NELL1: variants seen among roughly 807,000 people sequenced by gnomAD.
NELL1 encodes neural EGFL like 1.
A neutral mutation model predicts 107.4 loss-of-function variants in NELL1; 76 were observed. That is an observed-to-expected ratio of 0.71 (90% CI 0.59 to 0.86). The LOEUF (loss-of-function observed/expected upper bound fraction) is 0.86. Ranked by LOEUF, NELL1 falls within the 40% of genes least tolerant of loss-of-function variation. The pLI, the probability that NELL1 is intolerant of heterozygous loss-of-function variation, is 0.00. For missense variants in NELL1, 1,024 were observed against 1,005.5 expected (o/e 1.02, Z -0.25); for synonymous variants, 353 against 341.2 (o/e 1.03, Z -0.38).
chr11:21,467,584 A>G (rs1311571199), intron 15 of NELL1, among the ~76,000 whole-genome samples: 2 of 152,042 alleles, frequency 1.3e-5, no homozygotes, highest in Non-Finnish European at 2.9e-5. Flanking sequence ...ATGTTTTTTT[A>G]AGGTAGCCAT....
chr11:20,728,150 G>T (rs1011520876), intron 2 of NELL1, among the ~76,000 whole-genome samples: 1 of 151,964 alleles, frequency 6.6e-6, no homozygotes, highest in Non-Finnish European at 1.5e-5. Flanking sequence ...TTTTAATGGG[G>T]TTATTTGTTT....
chr11:21,366,095 A>T (rs1281196661), intron 14 of NELL1, among the ~76,000 whole-genome samples: 1 of 152,166 alleles, frequency 6.6e-6, no homozygotes, highest in African/African-American at 2.4e-5. Flanking sequence ...ATATGCTCTG[A>T]ACAAGGTGAG....
At chr11:21,396,714 T>C (rs1335988751) in intron 15 of NELL1, among the ~76,000 whole-genome samples, 8 of 151,616 alleles carry the variant, frequency 5.3e-5, no homozygotes, top group Non-Finnish European at 5.9e-5. Flanking sequence ...ATTGCTTCTG[T>C]TTCTGAGGAT....
At chr11:21,540,029 A>G (rs1170571967) in intron 16 of NELL1, among the ~76,000 whole-genome samples, 1 of 151,900 alleles carries the variant, frequency 6.6e-6, no homozygotes, top group Non-Finnish European at 1.5e-5. Context: ...CATTTTCTAA[A>G]ATTTGTTTAA....
At chr11:21,348,965 A>G (rs1850743302) in intron 14 of NELL1, among the ~76,000 whole-genome samples, 1 of 152,202 alleles carries the variant, frequency 6.6e-6, no homozygotes, top group African/African-American at 2.4e-5. Context: ...ACACTTCTTT[A>G]AGTAATTACG....
intron 12 of NELL1, among the ~76,000 whole-genome samples, chr11:21,005,269 G>C (rs1194998352): frequency 6.6e-6 from 1 of 152,142 alleles, no homozygotes; most frequent in African/African-American, 2.4e-5. Flanking sequence ...ATTGTATTAT[G>C]TCCAGAGCAT....
chr11:21,353,001 C>T (rs1423700886), intron 14 of NELL1, among the ~76,000 whole-genome samples: 1 of 152,114 alleles, frequency 6.6e-6, no homozygotes, highest in Non-Finnish European at 1.5e-5. Context: ...GGGAGAAGCA[C>T]TTTAAAGATC....
At chr11:21,005,654 A>G (rs1852313076) in intron 12 of NELL1, among the ~76,000 whole-genome samples, 1 of 152,178 alleles carries the variant, frequency 6.6e-6, no homozygotes, top group Admixed American at 6.5e-5. Context: ...GCCTGAGGTT[A>G]AAAGCTTTCT....
intron 14 of NELL1, among the ~76,000 whole-genome samples, chr11:21,359,974 G>T (rs988254374): frequency 1.3e-5 from 2 of 151,766 alleles, no homozygotes; most frequent in Non-Finnish European, 2.9e-5. Context: ...TGATTTCTTT[G>T]TTTCAATTTC....
chr11:20,928,509 G>A lies in NELL1; in HGVS notation c.997+30G>A, dbSNP rs772012794. ...GTACTGACTGAGGGTCAGACTGGCT[G>A]TCTGTGTTTTGAGATTTATTTATTT... On this transcript the variant is annotated intron_variant, in intron 9 of 19. Transcript: ENST00000357134. 1.1e-5 allele frequency: 17 copies of A among 1,537,888 alleles called. No homozygotes were observed. The Admixed American group carries it at 2.5e-4, about 23-fold the overall frequency.
intron 12 of NELL1, among the ~76,000 whole-genome samples, chr11:21,100,225 C>T (rs1263170924): frequency 2.0e-5 from 3 of 152,084 alleles, no homozygotes; most frequent in Non-Finnish European, 4.4e-5. Context: ...GCCACGTTGC[C>T]CAGGCTGGTG....
In NELL1 at chr11:21,108,353, A is replaced by G. The variant is rs542621171; in HGVS notation, c.1301-5236A>G. Among the ~76,000 whole-genome samples the G allele has an allele frequency of 2.3e-4, 35 of 152,262 alleles. No individual in the cohort carries two copies. The South Asian group carries it at 7.3e-3, about 32-fold the overall frequency. ...AGATGGAACCTGGTGATACATGAAG[A>G]ATCATTATGCCACATCAAGTTTCAT... On this transcript the variant is annotated intron_variant, in intron 12 of 19. Coordinates refer to ENST00000357134, the MANE Select transcript of NELL1 (RefSeq NM_006157.5).
intron 4 of NELL1, among the ~76,000 whole-genome samples, chr11:20,880,704 G>T (rs1849391244): frequency 6.6e-6 from 1 of 152,106 alleles, no homozygotes; most frequent in Non-Finnish European, 1.5e-5. Context: ...CATCTCAGTG[G>T]CTTAAAATAG....
chr11:20,761,585 C>T lies in NELL1; in HGVS notation c.185-22095C>T, dbSNP rs1429514389. On this transcript the variant is annotated intron_variant, in intron 2 of 19. Coordinates refer to ENST00000357134, the MANE Select transcript of NELL1 (RefSeq NM_006157.5). Reference sequence around the variant, plus strand: ...TTGTAAAGCTCCACAAACAAACCCACAACTTGGGAAGTTTGGCAAATGCTC... The same window carrying T: ...TTGTAAAGCTCCACAAACAAACCCATAACTTGGGAAGTTTGGCAAATGCTC... Among the ~76,000 whole-genome samples the T allele has an allele frequency of 2.0e-4, 31 of 152,230 alleles. 1 individual carries two copies. Among genetic ancestry groups the T allele is most frequent in the Admixed American group, 2.0e-3 (31 of 15,286 alleles).
At chr11:21,399,508 T>C (rs1410128465) in intron 15 of NELL1, among the ~76,000 whole-genome samples, 1 of 151,840 alleles carries the variant, frequency 6.6e-6, no homozygotes, top group African/African-American at 2.4e-5. Flanking sequence ...TAGGGAATCA[T>C]TGCTAAATAA....
intron 15 of NELL1, among the ~76,000 whole-genome samples, chr11:21,480,267 C>T (rs147943710): frequency 3.0e-4 from 46 of 152,200 alleles, no homozygotes; most frequent in African/African-American, 1.1e-3. Context: ...ATCCCTGGGG[C>T]TAGTTTTGTT....
At chr11:21,252,915 T>C (rs1858676631) in intron 14 of NELL1, among the ~76,000 whole-genome samples, 1 of 152,184 alleles carries the variant, frequency 6.6e-6, no homozygotes, top group Non-Finnish European at 1.5e-5. Context: ...TTAATAACTT[T>C]ACAACTTAGT....
At chr11:21,484,929 A>G (rs534530150) in intron 15 of NELL1, among the ~76,000 whole-genome samples, 4 of 152,272 alleles carry the variant, frequency 2.6e-5, no homozygotes, top group African/African-American at 9.6e-5. Context: ...ACACTGGAAT[A>G]TAACCAAGAA....
chr11:20,759,388 A>G (rs540293677), intron 2 of NELL1, among the ~76,000 whole-genome samples: 1 of 152,344 alleles, frequency 6.6e-6, no homozygotes, highest in Admixed American at 6.5e-5. Context: ...GTACACTTCT[A>G]CTTAATGCTG....
Sources: gnomAD v4.1 joint callset for allele counts (sites outside exome capture counted in the v4.1 genomes callset) on GRCh38, gnomAD v4.1.1 for gene constraint, MANE v1.5 for transcripts, NCBI Gene and HGNC (gene_info 2026-07-23, HGNC 2026-07-21) for gene names.